Variants in SYT12 observed in about 807,000 individuals in gnomAD.
SYT12 encodes the protein synaptotagmin 12, also known as synaptotagmin-12.
Under a neutral mutation model 39.5 loss-of-function variants are expected in SYT12, and 27 were observed. The ratio of observed to expected loss-of-function variants is 0.68; its 90% CI spans 0.50 to 0.94. The LOEUF (loss-of-function observed/expected upper bound fraction) is 0.94. Ranked by LOEUF, SYT12 falls within the 40% of genes least tolerant of loss-of-function variation. SYT12 has a pLI of 0.00. For synonymous variants in SYT12, 233 were observed against 239.7 expected, an observed-to-expected ratio of 0.97 and a Z score of 0.26; for missense variants, 536 against 572.6, an observed-to-expected ratio of 0.94 and a Z score of 0.65.
At chr11:67,040,842 T>A (rs10791898) in intron 4 of SYT12, among the ~76,000 whole-genome samples, 123,373 of 150,306 alleles carry the variant, frequency 0.82, 51,827 homozygotes, top group South Asian at 0.94. Context: ...TGTCTCAAAA[T>A]AAATAAATAA....
intron 3 of SYT12, among the ~76,000 whole-genome samples, chr11:67,036,587 C>T (rs566253809): frequency 8.5e-5 from 13 of 152,280 alleles, no homozygotes; most frequent in African/African-American, 2.9e-4. Context: ...TGTTCACTCA[C>T]TTAGGGTGTC....
intron 1 of SYT12, 62 bp from the exon 2 acceptor site, chr11:67,030,060 G>C: frequency 6.5e-7 from 1 of 1,546,826 alleles, no homozygotes. Context: ...AGGAGGCCAG[G>C]ACCTAGGAGC....
At chr11:67,034,513 T>G in intron 2 of SYT12, 132 bp from the exon 3 acceptor site, 1 of 728,624 alleles carries the variant, frequency 1.4e-6, no homozygotes, top group Non-Finnish European at 2.1e-6. Flanking sequence ...TTGTTCGACA[T>G]GGGATCTCCA....
At chr11:67,008,066 G>A (rs1403454043) in intron 1 of SYT12, among the ~76,000 whole-genome samples, 12 of 150,726 alleles carry the variant, frequency 8.0e-5, no homozygotes, top group Admixed American at 8.0e-4. Context: ...CGGTTCTCCT[G>A]CCTCAGCCTC....
upstream of SYT12, among the ~76,000 whole-genome samples, chr11:67,022,225 T>C (rs1950117172): frequency 6.6e-6 from 1 of 151,928 alleles, no homozygotes; most frequent in African/African-American, 2.4e-5. Flanking sequence ...CACTGAGAGG[T>C]CAGTGCCCAC....
chr11:67,021,286 C>A (rs1049281486), upstream of SYT12, among the ~76,000 whole-genome samples: 5 of 152,116 alleles, frequency 3.3e-5, no homozygotes, highest in Admixed American at 1.3e-4. Context: ...CATCAGCTCC[C>A]CAGTGTGACA....
intron 7 of SYT12, among the ~76,000 whole-genome samples, chr11:67,047,778 T>A (rs957435161): frequency 1.5e-5 from 1 of 65,678 alleles, no homozygotes; most frequent in African/African-American, 1.0e-4. Flanking sequence ...CCCCCATCTC[T>A]TTTTTTTTTT....
chr11:67,041,008 A>T (rs1201352490), intron 4 of SYT12, among the ~76,000 whole-genome samples: 1 of 151,864 alleles, frequency 6.6e-6, no homozygotes, highest in Non-Finnish European at 1.5e-5. Flanking sequence ...AAAAAATAAA[A>T]TAAAATAAAA....
chr11:67,039,745 GCCGTCTC>G, intron 3 of SYT12, 59 bp from the exon 4 acceptor site: 1 of 1,526,338 alleles, frequency 6.6e-7, no homozygotes, highest in Non-Finnish European at 8.8e-7. Flanking sequence ...TCATCTCTTT[GCCGTCTC>G]CCAGTGACCT....
At chr11:67,038,846 G>A (rs916394781) in intron 3 of SYT12, among the ~76,000 whole-genome samples, 1 of 151,402 alleles carries the variant, frequency 6.6e-6, no homozygotes, top group Non-Finnish European at 1.5e-5. Context: ...AATTAGCTGG[G>A]TGTGGTGGCA....
rs543514376 is a variant in SYT12 at position 67,042,382 on chromosome 11, C to G, written c.622-1256C>G. On this transcript the variant is annotated intron_variant, in intron 4 of 7. Transcript: ENST00000527043. ...AGGAGAGACATTGGCAGACAGCAGC[C>G]GCCACAGCCTGATGTGTGCTGAGAA... Among the ~76,000 whole-genome samples the G allele has an allele frequency of 2.0e-5, 3 of 152,286 alleles. 1 individual carries two copies. The South Asian group carries it at 6.2e-4, about 32-fold the overall frequency.
At chr11:67,037,396 CA>C (rs1349361421) in intron 3 of SYT12, among the ~76,000 whole-genome samples, 1 of 152,002 alleles carries the variant, frequency 6.6e-6, no homozygotes, top group Non-Finnish European at 1.5e-5. Context: ...CTGCTCAATG[CA>C]AAATTGGGGA....
chr11:67,022,080 A>AT (rs572875893), upstream of SYT12, among the ~76,000 whole-genome samples: 3 of 151,126 alleles, frequency 2.0e-5, no homozygotes, highest in African/African-American at 4.9e-5. Context: ...CACCTGGCTA[A>AT]TTTTTTTGTA....
At chr11:67,044,777 G>A (rs934031950) in intron 6 of SYT12, 64 bp downstream of exon 6, 4 of 1,599,872 alleles carry the variant, frequency 2.5e-6, no homozygotes, top group Non-Finnish European at 3.4e-6. Context: ...CCCAGCTGCT[G>A]TGCTGTGGGC....
chr11:67,045,612 A>G, intron 6 of SYT12, 132 bp from the exon 7 acceptor site: 2 of 1,237,066 alleles, frequency 1.6e-6, no homozygotes, highest in Non-Finnish European at 2.2e-6. Flanking sequence ...ATAAAGGACC[A>G]ATGGCAGGGC....
At chr11:67,023,708 G>T (rs1950142863) in intron 1 of SYT12, among the ~76,000 whole-genome samples, 1 of 152,194 alleles carries the variant, frequency 6.6e-6, no homozygotes, top group African/African-American at 2.4e-5. Context: ...CACACACGCG[G>T]CTCACCCGGC....
chr11:67,048,606 T>G lies in SYT12; in HGVS notation c.1115T>G (p.Val372Gly), dbSNP rs1590660743. ...CAGGACCTGTCTCTCCGCGTGACGGTGGCTGAGAGCAGCAGCGACGGCCGT... is the reference window on the plus strand; with the variant it reads ...CAGGACCTGTCTCTCCGCGTGACGGGGGCTGAGAGCAGCAGCGACGGCCGT... ...VLQDLSLRVT[V>G]AESSSDGRGD... The change falls in exon 8 of 8, where the codon GTG (valine) becomes GGG (glycine). Residue 372 changes from valine to glycine, a missense_variant. Val to Gly is a moderately radical substitution (Grantham distance 109). Transcript: ENST00000527043. The G allele has an allele frequency of 4.4e-6, 7 of 1,603,846 alleles. No individual in the cohort carries two copies. The highest frequency in any genetic ancestry group is 6.0e-6 in the Non-Finnish European group (7 of 1,171,792).
At chr11:67,036,393 G>A (rs1423542484) in intron 3 of SYT12, among the ~76,000 whole-genome samples, 1 of 152,214 alleles carries the variant, frequency 6.6e-6, no homozygotes, top group Non-Finnish European at 1.5e-5. Flanking sequence ...CTTCATTTGG[G>A]ATAGTGTGCT....
At chr11:67,033,273 A>G (rs926018017) in intron 2 of SYT12, among the ~76,000 whole-genome samples, 2 of 151,728 alleles carry the variant, frequency 1.3e-5, no homozygotes, top group Non-Finnish European at 2.9e-5. Flanking sequence ...CTCAGCTTAC[A>G]TGTCCCTCTT....
Sources: gnomAD v4.1 joint callset for allele counts (sites outside exome capture counted in the v4.1 genomes callset) on GRCh38, gnomAD v4.1.1 for gene constraint, MANE v1.5 for transcripts, NCBI Gene and HGNC (gene_info 2026-07-23, HGNC 2026-07-21) for gene names.